The following RYR3 variants were observed in gnomAD, a reference collection of about 807,000 sequenced individuals.
The protein encoded by RYR3 is brain ryanodine receptor-calcium release channel.
Under a neutral mutation model 584.3 loss-of-function variants are expected in RYR3, and 207 were observed. That is an observed-to-expected ratio of 0.35 (90% CI 0.32 to 0.40). The LOEUF is 0.40. RYR3 is among the 10% of genes least tolerant of loss of function. The probability of loss-of-function intolerance (pLI) is 1.00; values close to 1 mark genes in which losing one functional copy is unlikely to be tolerated. For missense variants in RYR3, 5,616 were observed against 6,089.2 expected, an observed-to-expected ratio of 0.92 and a Z score of 2.59; for synonymous variants, 2,416 against 2,248.5, an observed-to-expected ratio of 1.07 and a Z score of -2.11.
chr15:33,408,418 A>G (rs1254136990), intron 1 of RYR3, among the ~76,000 whole-genome samples: 1 of 152,172 alleles, frequency 6.6e-6, no homozygotes, highest in East Asian at 1.9e-4. Context: ...ATGGGCACCT[A>G]GGTTGATTCC....
chr15:33,544,720 C>G (rs192374244), intron 8 of RYR3, among the ~76,000 whole-genome samples: 1 of 152,266 alleles, frequency 6.6e-6, no homozygotes, highest in African/African-American at 2.4e-5. Flanking sequence ...AGTTCTGAGT[C>G]TCTTCCTACT....
chr15:33,620,480 A>G (rs956501444), intron 19 of RYR3, among the ~76,000 whole-genome samples: 1 of 152,148 alleles, frequency 6.6e-6, no homozygotes, highest in African/African-American at 2.4e-5. Flanking sequence ...TCACTTTAGG[A>G]TGTGAAAATA....
chr15:33,821,766 C>T (rs1347992286), intron 80 of RYR3, among the ~76,000 whole-genome samples, 164 bp downstream of exon 80: 1 of 152,112 alleles, frequency 6.6e-6, no homozygotes, highest in African/African-American at 2.4e-5. Context: ...GCTGGGAACG[C>T]AACATGGCTG....
chr15:33,356,649 T>A (rs977794544), intron 1 of RYR3, among the ~76,000 whole-genome samples: 1 of 152,206 alleles, frequency 6.6e-6, no homozygotes, highest in East Asian at 1.9e-4. Flanking sequence ...ATTTTGAGGA[T>A]TAAATGAGAG....
chr15:33,710,546 GC>G (rs1189888328), intron 43 of RYR3, among the ~76,000 whole-genome samples: 1 of 151,962 alleles, frequency 6.6e-6, no homozygotes, highest in Non-Finnish European at 1.5e-5. Context: ...GCTCCACTAG[GC>G]AGTACCCCAG....
chr15:33,537,027 T>G (rs977224217), intron 5 of RYR3, among the ~76,000 whole-genome samples: 5 of 152,246 alleles, frequency 3.3e-5, no homozygotes, highest in Non-Finnish European at 7.3e-5. Flanking sequence ...TATTTAACTA[T>G]CAAATCAATA....
At chr15:33,414,610 TTTTTA>T (rs2043646555) in intron 1 of RYR3, among the ~76,000 whole-genome samples, 1 of 152,096 alleles carries the variant, frequency 6.6e-6, no homozygotes, top group Non-Finnish European at 1.5e-5. Flanking sequence ...GAATAAGTAA[TTTTTA>T]TTTTTTTTGG....
chr15:33,844,490 G>A (rs1260572846), intron 92 of RYR3, among the ~76,000 whole-genome samples: 3 of 152,182 alleles, frequency 2.0e-5, no homozygotes, highest in Admixed American at 6.5e-5. Context: ...AGTGGTGGGT[G>A]GGGGAGCGGG....
chr15:33,842,752 C>G (rs984776767), intron 91 of RYR3, among the ~76,000 whole-genome samples: 1 of 152,184 alleles, frequency 6.6e-6, no homozygotes, highest in African/African-American at 2.4e-5. Context: ...ATGGCTACAT[C>G]CAGGTTGGGA....
chr15:33,407,431 G>T (rs1041432513), intron 1 of RYR3, among the ~76,000 whole-genome samples: 1 of 152,174 alleles, frequency 6.6e-6, no homozygotes, highest in Non-Finnish European at 1.5e-5. Context: ...GGACAGAGTT[G>T]CAGGCAGCAG....
At chr15:33,488,061 C>A (rs1174968455) in intron 2 of RYR3, among the ~76,000 whole-genome samples, 1 of 152,282 alleles carries the variant, frequency 6.6e-6, no homozygotes, top group African/African-American at 2.4e-5. Context: ...AAACATCCAC[C>A]TTTTAACTCT....
intron 38 of RYR3, 42 bp from the exon 39 acceptor site, chr15:33,696,176 C>G (rs1404514346): frequency 1.3e-6 from 2 of 1,578,104 alleles, no homozygotes; most frequent in African/African-American, 2.7e-5. Context: ...TCTCCCTGAG[C>G]CATGACAGCC....
chr15:33,735,843 C>CAAA (rs530745128), intron 48 of RYR3, among the ~76,000 whole-genome samples: 51 of 152,302 alleles, frequency 3.3e-4, no homozygotes, highest in African/African-American at 1.1e-3. Flanking sequence ...CCTCAGATTC[C>CAAA]ACCTGTGCAG....
intron 14 of RYR3, among the ~76,000 whole-genome samples, chr15:33,583,678 G>C (rs2058700422): frequency 6.6e-6 from 1 of 152,160 alleles, no homozygotes; most frequent in African/African-American, 2.4e-5. Flanking sequence ...CCACCAGTTT[G>C]GGAGGCTGAG....
chr15:33,554,481 A>G (rs1175793028), intron 10 of RYR3, among the ~76,000 whole-genome samples: 2 of 151,994 alleles, frequency 1.3e-5, no homozygotes. Flanking sequence ...TATTTTTAGT[A>G]GAGACGGGGT....
intron 1 of RYR3, among the ~76,000 whole-genome samples, chr15:33,397,119 A>G (rs2042345236): frequency 6.6e-6 from 1 of 152,234 alleles, no homozygotes; most frequent in African/African-American, 2.4e-5. Context: ...GAAAAGGAGA[A>G]GAAAGAAAAT....
intron 93 of RYR3, among the ~76,000 whole-genome samples, chr15:33,846,342 A>G (rs1038954115): frequency 6.6e-6 from 1 of 152,196 alleles, no homozygotes; most frequent in Non-Finnish European, 1.5e-5. Flanking sequence ...GGGGAGAGGC[A>G]CTACACAAAG....
At chr15:33,757,893 C>T (rs1156836790) in intron 60 of RYR3, 6 of 356,932 alleles carry the variant, frequency 1.7e-5, no homozygotes, top group Admixed American at 3.8e-5. Context: ...TAGCTCCCAG[C>T]GAGACCAACG....
intron 12 of RYR3, among the ~76,000 whole-genome samples, chr15:33,576,855 T>C (rs1360894052): frequency 6.6e-6 from 1 of 152,186 alleles, no homozygotes; most frequent in African/African-American, 2.4e-5. Flanking sequence ...CATGATCCTG[T>C]ATCTAGAAAA....
Sources: gnomAD v4.1 joint callset for allele counts (sites outside exome capture counted in the v4.1 genomes callset) on GRCh38, gnomAD v4.1.1 for gene constraint, MANE v1.5 for transcripts, NCBI Gene and HGNC (gene_info 2026-07-23, HGNC 2026-07-21) for gene names.